WDFY4: variants seen among roughly 807,000 people sequenced by gnomAD.
WDFY4 encodes the protein WD repeat- and FYVE domain-containing protein 4.
Under a neutral mutation model 351.9 loss-of-function variants are expected in WDFY4, and 169 were observed. The observed-to-expected ratio is 0.48, with a 90% CI of 0.42 to 0.55. The LOEUF is 0.55. Ranked by LOEUF, WDFY4 falls within the 20% of genes least tolerant of loss-of-function variation. The probability of loss-of-function intolerance (pLI) is 0.00; values close to 1 mark genes in which losing one functional copy is unlikely to be tolerated. For missense variants in WDFY4, 3,803 were observed against 3,935.6 expected, an observed-to-expected ratio of 0.97 and a Z score of 0.90; for synonymous variants, 1,622 against 1,574.6, an observed-to-expected ratio of 1.03 and a Z score of -0.71.
At chr10:48,924,140 A>G (rs1589906873) in intron 47 of WDFY4, among the ~76,000 whole-genome samples, 1 of 152,298 alleles carries the variant, frequency 6.6e-6, no homozygotes, top group East Asian at 1.9e-4. Context: ...TCACCTCCCC[A>G]GGGAGTCTGG....
At chr10:48,724,806 AGT>A (rs1224699144) in intron 5 of WDFY4, among the ~76,000 whole-genome samples, 1 of 152,182 alleles carries the variant, frequency 6.6e-6, no homozygotes, top group East Asian at 1.9e-4. Context: ...TCCAGGAATA[AGT>A]GTGTTGTTAG....
At chr10:48,939,984 AG>A (rs1840668483) in intron 47 of WDFY4, among the ~76,000 whole-genome samples, 1 of 152,240 alleles carries the variant, frequency 6.6e-6, no homozygotes, top group African/African-American at 2.4e-5. Flanking sequence ...GGATCCTAAC[AG>A]GCACATTTAG....
At chr10:48,780,385 T>C (rs551519824) in intron 19 of WDFY4, among the ~76,000 whole-genome samples, 2 of 152,340 alleles carry the variant, frequency 1.3e-5, no homozygotes, top group Admixed American at 6.5e-5. Flanking sequence ...AGAATAGTCA[T>C]GTTCATGAAA....
At chr10:48,957,697 C>A (rs1841665063) in intron 52 of WDFY4, among the ~76,000 whole-genome samples, 1 of 152,178 alleles carries the variant, frequency 6.6e-6, no homozygotes, top group Admixed American at 6.5e-5. Context: ...AGGGCAGGAC[C>A]CAGAGATGCT....
At chr10:48,827,322 A>G (rs902818509) in intron 36 of WDFY4, among the ~76,000 whole-genome samples, 3 of 151,938 alleles carry the variant, frequency 2.0e-5, no homozygotes, top group Non-Finnish European at 2.9e-5. Context: ...TTTTGCTTTC[A>G]GGAAAAAAAT....
At position 48,703,027 on chromosome 10, in the gene WDFY4, C is replaced by G. The variant is rs79573499; in HGVS notation, c.-17-6689C>G. On this transcript the variant is annotated intron_variant, in intron 1 of 61. Transcript: ENST00000325239. ...TCAGCTGTGCAGGTAGATGTGAACG[C>G]TGTTCATAGTACATCACCTCTGTCT... Among the ~76,000 whole-genome samples the G allele has an allele frequency of 1.1e-4, 17 of 152,310 alleles. No individual in the cohort carries two copies. The East Asian group carries it at 3.1e-3, about 28-fold the overall frequency.
At chr10:48,760,554 A>G in intron 13 of WDFY4, 114 bp downstream of exon 13, 1 of 995,396 alleles carries the variant, frequency 1.0e-6, no homozygotes, top group Non-Finnish European at 1.5e-6. Flanking sequence ...GCCCTGCGTT[A>G]GCAGAGCTCC....
At chr10:48,702,547 C>T (rs1374839168) in intron 1 of WDFY4, among the ~76,000 whole-genome samples, 1 of 152,120 alleles carries the variant, frequency 6.6e-6, no homozygotes, top group Admixed American at 6.5e-5. Flanking sequence ...AGCCAGGGTG[C>T]TGTGGGTGTT....
chr10:48,944,762 C>A (rs1053295820), intron 49 of WDFY4, among the ~76,000 whole-genome samples: 4 of 152,116 alleles, frequency 2.6e-5, no homozygotes, highest in Non-Finnish European at 4.4e-5. Flanking sequence ...GGTTTGCAAG[C>A]CTTTTTTGTT....
chr10:48,976,882 GC>G lies in WDFY4; in HGVS notation c.9197del (p.Pro3066GlnfsTer5). ...CTGGCCAGCATCACCACAGCCTGGG[GC>G]CCAGAAGGAGCCATAACCTGCTGCT... ...QPLASITTAW[G>X]PEGAITCCCL... On this transcript the variant is annotated frameshift_variant, in exon 59 of 62. Coordinates refer to ENST00000325239, the MANE Select transcript of WDFY4 (RefSeq NM_001394531.1). LOFTEE classifies it high-confidence loss of function. 6.5e-7 allele frequency: 1 copy of G among 1,541,006 alleles called. No homozygotes were observed. The highest frequency in any genetic ancestry group is 8.8e-7 in the Non-Finnish European group (1 of 1,141,220).
At chr10:48,705,778 G>A (rs926673721) in intron 1 of WDFY4, among the ~76,000 whole-genome samples, 1 of 152,228 alleles carries the variant, frequency 6.6e-6, no homozygotes, top group Non-Finnish European at 1.5e-5. Flanking sequence ...GGAGAGCTGG[G>A]CGGTTTCTGA....
At position 48,946,902 on chromosome 10, in the gene WDFY4, C is replaced by T. The variant is rs1162001993; in HGVS notation, c.7910C>T (p.Ser2637Leu). 7 of 1,551,972 alleles carry T rather than the reference C, an allele frequency of 4.5e-6. No homozygotes were observed. Among genetic ancestry groups the T allele is most frequent in the Non-Finnish European group, 5.2e-6 (6 of 1,147,094 alleles). ...VQCHYYTHYSSAIIVASYLVR... is the reference protein window; with the variant it reads ...VQCHYYTHYSLAIIVASYLVR... ...TGCCACTACTACACCCACTACTCCTCGGCCATCATCGTGGCCTCCTACCTG... is the reference window on the plus strand; with the variant it reads ...TGCCACTACTACACCCACTACTCCTTGGCCATCATCGTGGCCTCCTACCTG... Residue 2637 changes from serine to leucine, a missense_variant, in exon 51 of 62, where the codon TCG becomes TTG. Ser to Leu is a moderately radical substitution (Grantham distance 145). Transcript: ENST00000325239.
intron 43 of WDFY4, among the ~76,000 whole-genome samples, chr10:48,887,278 A>G (rs755242059): frequency 7.9e-5 from 12 of 152,238 alleles, no homozygotes; most frequent in Non-Finnish European, 1.2e-4. Flanking sequence ...GAGCCACATC[A>G]TCTCATCATG....
chr10:48,925,248 T>G (rs1001175769), intron 47 of WDFY4, among the ~76,000 whole-genome samples: 1 of 152,190 alleles, frequency 6.6e-6, no homozygotes, highest in Non-Finnish European at 1.5e-5. Flanking sequence ...CAGATCACTC[T>G]GTGTCCTCTG....
At chr10:48,922,134 C>T (rs939182672) in intron 47 of WDFY4, among the ~76,000 whole-genome samples, 1 of 152,192 alleles carries the variant, frequency 6.6e-6, no homozygotes, top group Non-Finnish European at 1.5e-5. Flanking sequence ...TCCATTTCCA[C>T]ATTTTTAGTT....
At chr10:48,847,108 C>T (rs1182227581) in intron 39 of WDFY4, among the ~76,000 whole-genome samples, 1 of 152,084 alleles carries the variant, frequency 6.6e-6, no homozygotes, top group Non-Finnish European at 1.5e-5. Flanking sequence ...TCTCGCAGTC[C>T]CGGAGGCTAG....
rs147849504 is a variant in WDFY4, at chr10:48,975,036, G to A, written c.9103G>A (p.Val3035Ile). 583 of 1,551,722 alleles carry A rather than the reference G, an allele frequency of 3.8e-4. 2 individuals are homozygous for A. The African/African-American group carries it at 4.4e-3, about 12-fold the overall frequency. The change falls in exon 58 of 62, where the codon GTC becomes ATC. Residue 3035 changes from valine (V) to isoleucine (I), a missense_variant. Physicochemically the swap from Val to Ile is conservative, Grantham distance 29. Coordinates refer to ENST00000325239, the MANE Select transcript of WDFY4 (RefSeq NM_001394531.1). ...CATCTCAGCCATCACCATCAGTGAC[G>A]TCTCAGTAAGTCTCCTGTTTCTCAG... ...EGISAITISD[V>I]SGTIVSCAGA...
At chr10:48,754,379 A>G (rs1007411265) in intron 12 of WDFY4, among the ~76,000 whole-genome samples, 12 of 151,740 alleles carry the variant, frequency 7.9e-5, no homozygotes, top group Admixed American at 7.2e-4. Flanking sequence ...TGCTTTTCCC[A>G]TGGATGTCTG....
At chr10:48,733,881 C>A in intron 9 of WDFY4, 50 bp from the exon 10 acceptor site, 3 of 1,509,076 alleles carry the variant, frequency 2.0e-6, no homozygotes, top group South Asian at 2.4e-5. Flanking sequence ...GATTTGCGGT[C>A]ATACCACATG....
Sources: allele counts gnomAD v4.1 joint callset (sites outside exome capture counted in the v4.1 genomes callset), GRCh38; gene constraint gnomAD v4.1.1; transcripts MANE v1.5; gene names NCBI Gene and HGNC (gene_info 2026-07-23, HGNC 2026-07-21).